The following MSI2 variants were observed in gnomAD, a reference collection of about 807,000 sequenced individuals.
The protein encoded by MSI2 is RNA-binding protein Musashi homolog 2.
A neutral mutation model predicts 45.6 loss-of-function variants in MSI2; 17 were observed. That is an observed-to-expected ratio of 0.37 (90% CI 0.26 to 0.56). MSI2 has a LOEUF of 0.56. Among genes scored for constraint, MSI2 ranks in the 20% least tolerant of loss-of-function variants. MSI2 has a pLI of 0.77. For missense variants in MSI2, 293 were observed against 444.2 expected (o/e 0.66, Z 3.06); for synonymous variants, 156 against 158.2 (o/e 0.99, Z 0.11).
At chr17:57,257,431 C>A (rs753645135) in intron 2 of MSI2, 35 bp from the exon 3 acceptor site, 3 of 1,100,764 alleles carry the variant, frequency 2.7e-6, no homozygotes, top group Non-Finnish European at 4.0e-6. Flanking sequence ...CACACCTTCT[C>A]TCCCCCCCCC....
chr17:57,260,633 T>G (rs1252013261), intron 4 of MSI2, among the ~76,000 whole-genome samples: 1 of 151,192 alleles, frequency 6.6e-6, no homozygotes, highest in Non-Finnish European at 1.5e-5. Context: ...CACCTGTAGA[T>G]GCAGTAATGT....
At position 57,642,734 on chromosome 17, in the gene MSI2, G is replaced by A. The variant is rs572300051; in HGVS notation, c.728-9365G>A. ...ATTCCAGTGCTTAGAACCGAGCTTG[G>A]CCTGTAGCAAGCACTCAGTATTTAC... On this transcript the variant is annotated intron_variant, in intron 10 of 13. Coordinates refer to ENST00000284073, the MANE Select transcript of MSI2 (RefSeq NM_138962.4). Among the ~76,000 whole-genome samples the A allele has an allele frequency of 4.6e-5, 7 of 152,306 alleles. No homozygotes were observed. The East Asian group carries it at 1.3e-3, about 29-fold the overall frequency.
At chr17:57,464,189 T>A (rs1239231235) in intron 6 of MSI2, among the ~76,000 whole-genome samples, 44 of 152,136 alleles carry the variant, frequency 2.9e-4, no homozygotes. Context: ...ACGCTTGTAA[T>A]TCCGGCACTT....
At chr17:57,350,295 G>A (rs1915926038) in intron 5 of MSI2, among the ~76,000 whole-genome samples, 2 of 151,728 alleles carry the variant, frequency 1.3e-5, no homozygotes, top group Admixed American at 6.6e-5. Context: ...GTAATGGGCT[G>A]ATAGCTTTTA....
At chr17:57,429,487 T>C (rs12450585) in intron 6 of MSI2, among the ~76,000 whole-genome samples, 35,896 of 152,064 alleles carry the variant, frequency 0.24, 4,384 homozygotes, top group Non-Finnish European at 0.25. Context: ...TCATTCAGCA[T>C]CCAGGGAGGC....
chr17:57,566,761 C>G (rs901478636), intron 7 of MSI2, among the ~76,000 whole-genome samples: 1 of 152,164 alleles, frequency 6.6e-6, no homozygotes, highest in East Asian at 1.9e-4. Context: ...AGACTGCCAC[C>G]GATCTGGTTG....
chr17:57,664,801 A>G (rs999188624), intron 11 of MSI2, among the ~76,000 whole-genome samples: 2 of 152,174 alleles, frequency 1.3e-5, no homozygotes, highest in African/African-American at 4.8e-5. Context: ...GCTGCTGTCA[A>G]TGAGCAAATC....
intron 7 of MSI2, among the ~76,000 whole-genome samples, chr17:57,549,057 A>T (rs2087242319): frequency 1.3e-5 from 2 of 152,170 alleles, no homozygotes; most frequent in African/African-American, 4.8e-5. Context: ...TTTGTTTTTT[A>T]AAAGGCTTGG....
chr17:57,618,081 TAATAATAATAATAATAATAAA>T (rs1288286162), intron 9 of MSI2: 3 of 149,900 alleles, frequency 2.0e-5, no homozygotes, highest in African/African-American at 7.4e-5. Flanking sequence ...AAAATAATAA[TAATAATAATAATAATAATAAA>T]CATTAGCGGG....
chr17:57,300,426 G>C (rs1911328774), intron 5 of MSI2, among the ~76,000 whole-genome samples: 1 of 152,122 alleles, frequency 6.6e-6, no homozygotes, highest in African/African-American at 2.4e-5. Context: ...CTGCCTCCTT[G>C]CTACCACCAC....
chr17:57,464,268 C>T (rs1180103823), intron 6 of MSI2, among the ~76,000 whole-genome samples: 6 of 151,828 alleles, frequency 4.0e-5, no homozygotes. Context: ...CATGGCAAAA[C>T]CCTATCTCTA....
chr17:57,359,887 G>A (rs1014552168), intron 5 of MSI2, among the ~76,000 whole-genome samples: 3 of 152,160 alleles, frequency 2.0e-5, no homozygotes, highest in Admixed American at 1.3e-4. Context: ...CCCACCCCTC[G>A]TGATGCCACT....
intron 5 of MSI2, among the ~76,000 whole-genome samples, chr17:57,373,499 A>G (rs937258668): frequency 1.8e-4 from 28 of 152,320 alleles, no homozygotes; most frequent in African/African-American, 6.5e-4. Flanking sequence ...ATCCACTCCC[A>G]TCTGGTTTAA....
At position 57,529,650 on chromosome 17, in the gene MSI2, G is replaced by A. The variant is rs2144061945; in HGVS notation, c.406-26G>A. 2 of 1,610,136 alleles carry A rather than the reference G, an allele frequency of 1.2e-6. No individual in the cohort carries two copies. Among genetic ancestry groups the A allele is most frequent in the South Asian group, 1.1e-5 (1 of 90,480 alleles). On this transcript the variant is annotated intron_variant, in intron 6 of 13. Transcript: ENST00000284073. This position sits in a 1 kb window ranked among gnomAD's most constrained non-coding sequence, Gnocchi z 5.3. The stretch of plus-strand genomic sequence containing the variant: ...GTACTTTCTTAAAATTCCTAAGGCA[G>A]CCTGTATTCTATATTTGTTTTGCAG...
intron 11 of MSI2, among the ~76,000 whole-genome samples, chr17:57,665,916 G>A (rs12938078): frequency 0.15 from 23,433 of 152,186 alleles, 2,150 homozygotes; most frequent in East Asian, 0.37. Context: ...GGGCTGTGGC[G>A]TAGTGGAGGG....
At chr17:57,485,566 G>C (rs1430254548) in intron 6 of MSI2, among the ~76,000 whole-genome samples, 8 of 152,152 alleles carry the variant, frequency 5.3e-5, no homozygotes, top group Admixed American at 5.2e-4. Flanking sequence ...GGAAAGAAAG[G>C]GCCCGTGATT....
At chr17:57,444,910 G>A (rs928045378) in intron 6 of MSI2, among the ~76,000 whole-genome samples, 7 of 152,130 alleles carry the variant, frequency 4.6e-5, no homozygotes, top group African/African-American at 1.7e-4. Context: ...GCTTTGTGCT[G>A]ATGGCCCTTT....
chr17:57,676,328 A>T (rs1274094251), intron 12 of MSI2, among the ~76,000 whole-genome samples: 1 of 152,226 alleles, frequency 6.6e-6, no homozygotes, highest in African/African-American at 2.4e-5. Context: ...CTTGTGCAGG[A>T]TGGGTCCTTG....
rs1555614130 is a variant in MSI2, at chr17:57,499,393, A to AAT, written c.406-30283_406-30282insAT. 8.0e-5 allele frequency among the ~76,000 whole-genome samples: 12 copies of AAT among 150,260 alleles called. No homozygotes were observed. The East Asian group carries it at 2.3e-3, about 29-fold the overall frequency. The stretch of plus-strand genomic sequence containing the variant: ...TCTGTCTTAAAAAAAAAAAAAAAAA[A>AAT]GGGCAGCTAAGGGCAATTCTGTATG... On this transcript the variant is annotated intron_variant, in intron 6 of 13. Transcript: ENST00000284073.
Sources: gnomAD v4.1 joint callset for allele counts (sites outside exome capture counted in the v4.1 genomes callset) on GRCh38, gnomAD v4.1.1 for gene constraint, Gnocchi (gnomAD v3.1) non-coding constraint, MANE v1.5 for transcripts, NCBI Gene and HGNC (gene_info 2026-07-23, HGNC 2026-07-21) for gene names.